The following TMEM132C variants were observed in gnomAD, a reference collection of about 807,000 sequenced individuals.
TMEM132C encodes protein phosphatase 1, regulatory subunit 152.
A neutral mutation model predicts 61.4 loss-of-function variants in TMEM132C; 29 were observed. That is an observed-to-expected ratio of 0.47 (90% CI 0.35 to 0.64). The LOEUF (loss-of-function observed/expected upper bound fraction) is 0.64, where lower values mean the gene tolerates loss of function less well. Among genes scored for constraint, TMEM132C ranks in the 30% least tolerant of loss-of-function variants. The pLI, the probability that TMEM132C is intolerant of heterozygous loss-of-function variation, is 0.00. For missense variants in TMEM132C, 1,408 were observed against 1,476.9 expected (o/e 0.95, Z 0.76); for synonymous variants, 656 against 633.1 (o/e 1.04, Z -0.54).
chr12:128,681,767 C>T (rs1222315275), intron 5 of TMEM132C, among the ~76,000 whole-genome samples: 1 of 151,084 alleles, frequency 6.6e-6, no homozygotes, highest in Non-Finnish European at 1.5e-5. Context: ...GATTCTCCTG[C>T]CTCAGCCTCC....
chr12:128,405,184 A>G (rs1359678732), intron 1 of TMEM132C, among the ~76,000 whole-genome samples: 7 of 152,150 alleles, frequency 4.6e-5, no homozygotes, highest in Admixed American at 2.6e-4. Flanking sequence ...AGAACTCGCA[A>G]TGCCATGGCA....
At chr12:128,496,089 T>C (rs1871946167) in intron 2 of TMEM132C, among the ~76,000 whole-genome samples, 1 of 152,056 alleles carries the variant, frequency 6.6e-6, no homozygotes, top group South Asian at 2.1e-4. Flanking sequence ...CCTTCACTTA[T>C]GAAGCTTAGT....
intron 2 of TMEM132C, among the ~76,000 whole-genome samples, chr12:128,542,517 G>C (rs540368952): frequency 1.4e-3 from 220 of 152,206 alleles, no homozygotes; most frequent in Non-Finnish European, 2.9e-3. Context: ...CGTTGGCCAA[G>C]CTAATCTCCA....
Position 128,543,924 on chromosome 12 carries a change from GTCTC to G in TMEM132C, c.975-22_975-19del, listed in dbSNP as rs375537600. ...GTTGGAAAGGCCAAGCCTTAACCCT[GTCTC>G]TCTCTCTCTCCCATCTTCATCCCCA... is the stretch of plus-strand genomic sequence containing the variant. On this transcript the variant is annotated intron_variant, in intron 2 of 8. Transcript: ENST00000435159. 1.1e-3 allele frequency: 1,633 copies of G among 1,532,660 alleles called. 3 individuals are homozygous for G. The highest frequency in any genetic ancestry group is 1.1e-3 in the South Asian group (88 of 81,166). The allele number at this position is 1,532,660 out of a possible 1,614,324, so 94.9% of individuals were successfully genotyped here.
intron 2 of TMEM132C, among the ~76,000 whole-genome samples, chr12:128,530,469 A>G (rs1490693003): frequency 1.3e-5 from 2 of 149,816 alleles, no homozygotes; most frequent in African/African-American, 4.9e-5. Context: ...TTTTAAACGG[A>G]GTCTCACTCT....
intron 2 of TMEM132C, among the ~76,000 whole-genome samples, chr12:128,446,690 C>T (rs1869992331): frequency 6.6e-6 from 1 of 152,174 alleles, no homozygotes; most frequent in Non-Finnish European, 1.5e-5. Context: ...TTGCATCTCC[C>T]ATTATATCAG....
chr12:128,306,341 A>G (rs1211725340), intron 1 of TMEM132C, among the ~76,000 whole-genome samples: 1 of 151,562 alleles, frequency 6.6e-6, no homozygotes, highest in Admixed American at 6.6e-5. Flanking sequence ...AGCTGGGACT[A>G]CAGGTGCCCG....
chr12:128,661,293 G>T (rs1026961641), intron 4 of TMEM132C, among the ~76,000 whole-genome samples: 4 of 152,142 alleles, frequency 2.6e-5, no homozygotes, highest in Non-Finnish European at 5.9e-5. Context: ...TATAAATAAA[G>T]TCAGCTGATT....
intron 2 of TMEM132C, among the ~76,000 whole-genome samples, chr12:128,428,730 T>C (rs930358051): frequency 1.3e-5 from 2 of 152,188 alleles, no homozygotes; most frequent in Admixed American, 6.5e-5. Context: ...AGGATGGCTG[T>C]AAATTCAGAG....
At chr12:128,399,176 G>A (rs7313078) in intron 1 of TMEM132C, among the ~76,000 whole-genome samples, 11,889 of 152,128 alleles carry the variant, frequency 0.078, 1,597 homozygotes, top group African/African-American at 0.27. Context: ...GGAAAAATGC[G>A]GAAGACTCTT....
At chr12:128,458,852 T>C in intron 2 of TMEM132C, among the ~76,000 whole-genome samples, 1 of 152,190 alleles carries the variant, frequency 6.6e-6, no homozygotes, top group East Asian at 1.9e-4. Context: ...CATCTACACA[T>C]TGCCTCTTTC....
At chr12:128,588,312 A>G (rs1875624608) in intron 3 of TMEM132C, among the ~76,000 whole-genome samples, 1 of 152,146 alleles carries the variant, frequency 6.6e-6, no homozygotes, top group Admixed American at 6.5e-5. Flanking sequence ...TGTGCCTGTA[A>G]TCTCAGCTAC....
At chr12:128,297,087 T>G (rs908169528) in intron 1 of TMEM132C, among the ~76,000 whole-genome samples, 1 of 152,216 alleles carries the variant, frequency 6.6e-6, no homozygotes, top group African/African-American at 2.4e-5. Flanking sequence ...TATGTAAGTT[T>G]TCCCCTTTTT....
chr12:128,362,289 G>A (rs1160500315), intron 1 of TMEM132C, among the ~76,000 whole-genome samples: 1 of 152,048 alleles, frequency 6.6e-6, no homozygotes, highest in Non-Finnish European at 1.5e-5. Context: ...GGGCTGCAGG[G>A]GGACGGGTGC....
intron 2 of TMEM132C, among the ~76,000 whole-genome samples, chr12:128,519,609 C>G (rs1872833284): frequency 6.6e-6 from 1 of 152,220 alleles, no homozygotes; most frequent in Non-Finnish European, 1.5e-5. Context: ...TTCCTTATTA[C>G]TGGCCAAAAC....
At chr12:128,329,072 A>C (rs984695516) in intron 1 of TMEM132C, among the ~76,000 whole-genome samples, 1 of 152,110 alleles carries the variant, frequency 6.6e-6, no homozygotes, top group Non-Finnish European at 1.5e-5. Flanking sequence ...CAGGGGAAGG[A>C]GCAGGCCTGC....
chr12:128,398,944 C>T (rs1875054144), intron 1 of TMEM132C, among the ~76,000 whole-genome samples: 1 of 152,178 alleles, frequency 6.6e-6, no homozygotes, highest in Non-Finnish European at 1.5e-5. Flanking sequence ...TTGGAAAGCT[C>T]AGTTTAAATG....
At chr12:128,325,405 G>A (rs576400012) in intron 1 of TMEM132C, among the ~76,000 whole-genome samples, 11 of 152,138 alleles carry the variant, frequency 7.2e-5, no homozygotes, top group African/African-American at 1.9e-4. Context: ...ATCACCATTC[G>A]CCGTTTGCTG....
At chr12:128,554,491 T>G (rs1874270514) in intron 3 of TMEM132C, among the ~76,000 whole-genome samples, 1 of 152,230 alleles carries the variant, frequency 6.6e-6, no homozygotes, top group Non-Finnish European at 1.5e-5. Context: ...AAAATCCCTG[T>G]GCAAATCAAA....
Sources: gnomAD v4.1 joint callset for allele counts (sites outside exome capture counted in the v4.1 genomes callset) on GRCh38, gnomAD v4.1.1 for gene constraint, MANE v1.5 for transcripts, NCBI Gene and HGNC (gene_info 2026-07-23, HGNC 2026-07-21) for gene names.